Variants in ARHGAP28 observed in about 807,000 individuals in gnomAD.
The protein encoded by ARHGAP28 is Rho GTPase activating protein 28.
ARHGAP28 carries 56 observed loss-of-function variants against 90.7 expected under a neutral mutation model. That is an observed-to-expected ratio of 0.62 (90% CI 0.50 to 0.77). ARHGAP28 has a LOEUF of 0.77. Ranked by LOEUF, ARHGAP28 falls within the 30% of genes least tolerant of loss-of-function variation. The probability of loss-of-function intolerance (pLI) is 0.00; values close to 1 mark genes in which losing one functional copy is unlikely to be tolerated. For synonymous variants in ARHGAP28, 308 were observed against 323.3 expected (o/e 0.95, Z 0.51); for missense variants, 869 against 900.9 (o/e 0.96, Z 0.45).
intron 1 of ARHGAP28, chr18:6,790,759 G>T (rs139433517): frequency 6.6e-6 from 1 of 152,104 alleles, no homozygotes; most frequent in Non-Finnish European, 1.5e-5. Flanking sequence ...AAACACTGCC[G>T]CTTCTCAGGG....
chr18:6,815,829 G>A (rs781272842), intron 1 of ARHGAP28, among the ~76,000 whole-genome samples: 14 of 151,526 alleles, frequency 9.2e-5, no homozygotes, highest in Non-Finnish European at 1.5e-4. Context: ...CATTGCCACC[G>A]TTCCCATTAC....
intron 16 of ARHGAP28, among the ~76,000 whole-genome samples, chr18:6,903,826 C>CA (rs35606759): frequency 0.69 from 57,504 of 83,908 alleles, 19,831 homozygotes; most frequent in Non-Finnish European, 0.72. Context: ...GACTCCATCT[C>CA]AAAAAAAAAA....
intron 11 of ARHGAP28, 124 bp downstream of exon 11, chr18:6,882,423 G>A (rs950932104): frequency 1.7e-5 from 16 of 914,982 alleles, no homozygotes; most frequent in Non-Finnish European, 2.5e-5. Context: ...GTGCTTGGTG[G>A]AATATTAAGT....
At chr18:6,907,435 T>C (rs1195899566) in intron 16 of ARHGAP28, among the ~76,000 whole-genome samples, 1 of 146,506 alleles carries the variant, frequency 6.8e-6, no homozygotes, top group Non-Finnish European at 1.5e-5. Flanking sequence ...AACAGGTGAG[T>C]GACTACAGAA....
At chr18:6,901,014 CTG>C (rs1339737990) in intron 16 of ARHGAP28, among the ~76,000 whole-genome samples, 2 of 152,178 alleles carry the variant, frequency 1.3e-5, no homozygotes, top group Admixed American at 1.3e-4. Context: ...AAGGAAAGAA[CTG>C]TCAACTGTGA....
chr18:6,763,101 T>C (rs2056174699), intron 1 of ARHGAP28, among the ~76,000 whole-genome samples: 1 of 152,124 alleles, frequency 6.6e-6, no homozygotes, highest in African/African-American at 2.4e-5. Context: ...TGTTTGTTTG[T>C]TTGTTTTGAG....
rs538586789 is a variant in ARHGAP28, at chr18:6,807,292, A to C, written c.123-17470A>C. Among the ~76,000 whole-genome samples, 3 of 152,280 alleles carry C rather than the reference A, an allele frequency of 2.0e-5. No individual in the cohort carries two copies. The East Asian group carries it at 5.8e-4, about 29-fold the overall frequency. ...TACTAATTCTGTCACCTGTCATTAC[A>C]AGGTTCATTTGTAGTGATTGCATTT... On this transcript the variant is annotated intron_variant, in intron 1 of 17. Coordinates refer to ENST00000383472, the MANE Select transcript of ARHGAP28 (RefSeq NM_001366230.1).
At chr18:6,898,688 GAA>G in intron 16 of ARHGAP28, 2 of 1,415,156 alleles carry the variant, frequency 1.4e-6, no homozygotes, top group South Asian at 1.9e-5. Flanking sequence ...TTCGTAGAAA[GAA>G]AATGTTTCTA....
At chr18:6,876,608 G>A (rs1051795676) in intron 10 of ARHGAP28, among the ~76,000 whole-genome samples, 20 of 152,122 alleles carry the variant, frequency 1.3e-4, no homozygotes, top group Admixed American at 3.3e-4. Context: ...CCTCTCAGCC[G>A]TGGAATTCAC....
At chr18:6,766,560 T>C (rs1600164582) in intron 1 of ARHGAP28, among the ~76,000 whole-genome samples, 2 of 152,240 alleles carry the variant, frequency 1.3e-5, no homozygotes, top group African/African-American at 4.8e-5. Flanking sequence ...ACGGGGCTGA[T>C]ACAGCGCCAA....
rs374482561 is a variant in ARHGAP28 at position 6,730,219 on chromosome 18, G to GTATATATACATATATATATATA, written c.122+277_122+278insATATATACATATATATATATAT. The GTATATATACATATATATATATA allele has an allele frequency of 1.9e-5, 3 of 158,792 alleles. No homozygotes were observed. In the Admixed American group the frequency reaches 2.4e-4, roughly 13 times the overall value. 9.8% of individuals were successfully genotyped at this position (158,792 alleles called of 1,614,324 possible). A position where few individuals can be genotyped will look rare whatever the true frequency, so the allele number is the denominator to read the frequency against. On this transcript the variant is annotated intron_variant, in intron 1 of 17. Transcript: ENST00000383472. ...TTGATACGATTTGAGGATAAGTCAT[G>GTATATATACATATATATATATA]TGTATATATATATATATACCTCATT...
rs188984466 is a variant in ARHGAP28, at chr18:6,806,138, C to T, written c.123-18624C>T. On this transcript the variant is annotated intron_variant, in intron 1 of 17. Coordinates refer to ENST00000383472, the MANE Select transcript of ARHGAP28 (RefSeq NM_001366230.1). ...CAAACTCCTGAGCTCAGGCAGTCCGCCTGCCTCAGCCTCCCAAAGTGCTGG... is the reference window on the plus strand; with the variant it reads ...CAAACTCCTGAGCTCAGGCAGTCCGTCTGCCTCAGCCTCCCAAAGTGCTGG... Among the ~76,000 whole-genome samples, 656 of 152,220 alleles carry T rather than the reference C, an allele frequency of 4.3e-3. 6 individuals are homozygous for T. Among genetic ancestry groups the T allele is most frequent in the African/African-American group, 0.015 (639 of 41,522 alleles).
At position 6,791,902 on chromosome 18, in the gene ARHGAP28, G is replaced by A. The variant is rs373994217; in HGVS notation, c.123-32860G>A. Among the ~76,000 whole-genome samples, 18 of 151,700 alleles carry A rather than the reference G, an allele frequency of 1.2e-4. No homozygotes were observed. The South Asian group carries it at 3.8e-3, about 32-fold the overall frequency. On this transcript the variant is annotated intron_variant, in intron 1 of 17. Transcript: ENST00000383472. Reference sequence around the variant, plus strand: ...GAGTCTCACTCTGTCACCCAGGCTGGATTCTCCTGCCTCAGCCTCCTGAGT... The same window carrying A: ...GAGTCTCACTCTGTCACCCAGGCTGAATTCTCCTGCCTCAGCCTCCTGAGT...
intron 1 of ARHGAP28, chr18:6,774,323 C>CGCA (rs2056266736): frequency 6.6e-6 from 1 of 152,094 alleles, no homozygotes; most frequent in African/African-American, 2.4e-5. Flanking sequence ...GAAAGGAAGG[C>CGCA]GCAGATAGCT....
intron 1 of ARHGAP28, among the ~76,000 whole-genome samples, chr18:6,755,073 T>G (rs942939416): frequency 3.3e-5 from 5 of 152,146 alleles, no homozygotes; most frequent in Non-Finnish European, 5.9e-5. Context: ...CTTGGGAAGC[T>G]GAGGCACAAG....
intron 1 of ARHGAP28, among the ~76,000 whole-genome samples, chr18:6,742,010 CTGA>C (rs1489127604): frequency 6.6e-6 from 1 of 152,062 alleles, no homozygotes; most frequent in Non-Finnish European, 1.5e-5. Flanking sequence ...TTAAGTAAAG[CTGA>C]TGAAGTCCTC....
At chr18:6,778,432 T>G (rs2056300859) in intron 1 of ARHGAP28, among the ~76,000 whole-genome samples, 1 of 152,170 alleles carries the variant, frequency 6.6e-6, no homozygotes, top group African/African-American at 2.4e-5. Context: ...ATAAGCAGCT[T>G]TTTAGCAATG....
chr18:6,889,291 C>G (rs1398164303), intron 12 of ARHGAP28, among the ~76,000 whole-genome samples: 1 of 151,920 alleles, frequency 6.6e-6, no homozygotes, highest in African/African-American at 2.4e-5. Flanking sequence ...CTTAGAAGAC[C>G]TGCACACAAA....
chr18:6,883,277 TGCCCA>T lies in ARHGAP28; in HGVS notation c.1453+980_1453+984del, dbSNP rs556056109. On this transcript the variant is annotated intron_variant, in intron 11 of 17. Coordinates refer to ENST00000383472, the MANE Select transcript of ARHGAP28 (RefSeq NM_001366230.1). ...TTTTTGAGACAGAGTGTCGCACTGTTGCCCAGGCTGGAGTTCAGTGATGCGATCTT... is the reference window on the plus strand; with the variant it reads ...TTTTTGAGACAGAGTGTCGCACTGTTGGCTGGAGTTCAGTGATGCGATCTT... Among the ~76,000 whole-genome samples the T allele has an allele frequency of 3.5e-3, 526 of 151,108 alleles. 4 individuals carry two copies. Among genetic ancestry groups the T allele is most frequent in the African/African-American group, 0.012 (490 of 41,104 alleles).
Sources: allele counts gnomAD v4.1 joint callset (sites outside exome capture counted in the v4.1 genomes callset), GRCh38; gene constraint gnomAD v4.1.1; transcripts MANE v1.5; gene names NCBI Gene and HGNC (gene_info 2026-07-23, HGNC 2026-07-21).